Variants in PCID2 observed in about 807,000 individuals in gnomAD.
PCID2 encodes PCI domain containing 2.
Under a neutral mutation model 61.3 loss-of-function variants are expected in PCID2, and 41 were observed. The ratio of observed to expected loss-of-function variants is 0.67; its 90% CI spans 0.52 to 0.87. PCID2 has a LOEUF of 0.87. Ranked by LOEUF, PCID2 falls within the 40% of genes least tolerant of loss-of-function variation. The pLI is 0.00. For synonymous variants in PCID2, 187 were observed against 177.8 expected, an observed-to-expected ratio of 1.05 and a Z score of -0.41; for missense variants, 392 against 493.4, an observed-to-expected ratio of 0.79 and a Z score of 1.95.
chr13:113,184,350 C>CT lies in PCID2; in HGVS notation c.680dup (p.Gln228AlafsTer3). ...AAAAAAAGATTAGCAACATACCTTG[C>CT]TTAAAATCGCTGTCAAACATAGCCT... On this transcript the variant is annotated frameshift_variant, in exon 9 of 14. Transcript: ENST00000337344. LOFTEE classifies it high-confidence loss of function. 6.2e-7 allele frequency: 1 copy of CT among 1,612,870 alleles called. No individual in the cohort carries two copies. Among genetic ancestry groups the CT allele is most frequent in the South Asian group, 1.1e-5 (1 of 90,968 alleles).
At chr13:113,206,393 C>G (rs770013767) in intron 1 of PCID2, among the ~76,000 whole-genome samples, 2 of 152,162 alleles carry the variant, frequency 1.3e-5, no homozygotes, top group African/African-American at 2.4e-5. Flanking sequence ...GTACCTGCAG[C>G]AGGGCGTCCT....
chr13:113,204,453 G>A lies in PCID2; in HGVS notation c.37-3937C>T, dbSNP rs3794420. ...ACACCGGGGCCCTCCAAGGAGAGGC[G>A]GAGACCCCTGCTGGGGGCACTCACT... On this transcript the variant is annotated intron_variant, in intron 1 of 13. Transcript: ENST00000337344. Among the ~76,000 whole-genome samples, 4 of 152,286 alleles carry A rather than the reference G, an allele frequency of 2.6e-5. No individual in the cohort carries two copies. The East Asian group carries it at 5.8e-4, about 22-fold the overall frequency.
At chr13:113,166,693 AC>A in the PCID2 span, among the ~76,000 whole-genome samples, 2 of 152,140 alleles carry the variant, frequency 1.3e-5, no homozygotes, top group African/African-American at 4.8e-5. Flanking sequence ...ATCTTTTATC[AC>A]TTTTCCTGCC....
intron 1 of PCID2, among the ~76,000 whole-genome samples, chr13:113,206,498 A>T (rs1042935715): frequency 3.3e-5 from 5 of 152,228 alleles, no homozygotes; most frequent in African/African-American, 1.2e-4. Context: ...GCTGAGACTA[A>T]AGGAGGAGTC....
At chr13:113,165,881 C>T in the PCID2 span, among the ~76,000 whole-genome samples, 1 of 152,196 alleles carries the variant, frequency 6.6e-6, no homozygotes, top group African/African-American at 2.4e-5. Flanking sequence ...ACATAAACAT[C>T]CATATTTAGC....
At chr13:113,195,447 T>TA (rs1255748000) in intron 5 of PCID2, among the ~76,000 whole-genome samples, 1 of 152,078 alleles carries the variant, frequency 6.6e-6, no homozygotes, top group East Asian at 1.9e-4. Flanking sequence ...ACAGCACCAC[T>TA]AAAAAAGAAG....
intron 8 of PCID2, among the ~76,000 whole-genome samples, chr13:113,184,979 C>T (rs2037978105): frequency 6.6e-6 from 1 of 152,264 alleles, no homozygotes; most frequent in African/African-American, 2.4e-5. Context: ...GCAGCACCGG[C>T]AGGAAGGTGG....
the PCID2 span, chr13:113,171,608 A>G: frequency 1.2e-6 from 2 of 1,614,188 alleles, no homozygotes; most frequent in Non-Finnish European, 1.7e-6. This position sits in a 1 kb window ranked among gnomAD's most constrained non-coding sequence, Gnocchi z 5.1. Flanking sequence ...TAACAGAACG[A>G]GCCAAGACCC....
At chr13:113,206,359 C>T (rs1030039726) in intron 1 of PCID2, among the ~76,000 whole-genome samples, 1 of 152,132 alleles carries the variant, frequency 6.6e-6, no homozygotes, top group Non-Finnish European at 1.5e-5. Context: ...TTGGAAAGGG[C>T]AAAGTAAAGG....
At position 113,179,107 on chromosome 13, in the gene PCID2, A is replaced by G. The variant is rs1448952228; in HGVS notation, c.987-18T>C. 1 of 1,611,100 alleles carries G rather than the reference A, an allele frequency of 6.2e-7. No homozygotes were observed. The highest frequency in any genetic ancestry group is 8.5e-7 in the Non-Finnish European group (1 of 1,178,384). ...ACAAATACCTGGAAGAGGGGAGGAG[A>G]AGGGCACTGTGGTTACCGACAGGAT... On this transcript the variant is annotated intron_variant, in intron 12 of 13. Coordinates refer to ENST00000337344, the MANE Select transcript of PCID2 (RefSeq NM_001127202.4). The surrounding 1 kb of genome is among the most constrained non-coding windows in gnomAD (Gnocchi z 4.3).
At chr13:113,199,435 T>G (rs765368530) in intron 2 of PCID2, among the ~76,000 whole-genome samples, 2 of 152,238 alleles carry the variant, frequency 1.3e-5, no homozygotes, top group Non-Finnish European at 2.9e-5. Flanking sequence ...TTTTTTGTTT[T>G]GTTTGGTTTT....
At chr13:113,202,271 C>T (rs1489910353) in intron 1 of PCID2, among the ~76,000 whole-genome samples, 1 of 152,224 alleles carries the variant, frequency 6.6e-6, no homozygotes, top group Non-Finnish European at 1.5e-5. Flanking sequence ...CATTGTTCAA[C>T]TCAGGGTATG....
chr13:113,191,675 G>T (rs901748371), intron 6 of PCID2, among the ~76,000 whole-genome samples: 1 of 152,188 alleles, frequency 6.6e-6, no homozygotes, highest in Non-Finnish European at 1.5e-5. Flanking sequence ...CTTGGTTAAA[G>T]AAGAAAGAGT....
At chr13:113,202,376 T>C in intron 1 of PCID2, among the ~76,000 whole-genome samples, 1 of 152,224 alleles carries the variant, frequency 6.6e-6, no homozygotes, top group East Asian at 1.9e-4. Flanking sequence ...CATTTACATT[T>C]TGAAACAGTA....
At chr13:113,191,841 A>G (rs2038644245) in intron 6 of PCID2, among the ~76,000 whole-genome samples, 1 of 152,184 alleles carries the variant, frequency 6.6e-6, no homozygotes, top group East Asian at 1.9e-4. Flanking sequence ...AGCAATAGGT[A>G]AAATGCTGGA....
downstream of PCID2, among the ~76,000 whole-genome samples, chr13:113,177,281 G>C (rs1416552269): frequency 1.3e-5 from 2 of 152,116 alleles, no homozygotes; most frequent in Non-Finnish European, 2.9e-5. Context: ...GGAATTACAG[G>C]TATGCGCCAC....
chr13:113,192,931 T>C (rs1210665139), intron 6 of PCID2, among the ~76,000 whole-genome samples: 1 of 152,096 alleles, frequency 6.6e-6, no homozygotes, highest in East Asian at 1.9e-4. Context: ...GAGAGATCCC[T>C]TGCCCCATCT....
At chr13:113,174,478 G>A (rs973517299), downstream of PCID2, among the ~76,000 whole-genome samples, 1 of 152,122 alleles carries the variant, frequency 6.6e-6, no homozygotes, top group South Asian at 2.1e-4. Context: ...CAAGAAAAGG[G>A]AAGCTAGCTA....
chr13:113,180,014 C>A lies in PCID2; in HGVS notation c.889G>T (p.Ala297Ser). 1 of 1,614,122 alleles carries A rather than the reference C, an allele frequency of 6.2e-7. No individual in the cohort carries two copies. Among genetic ancestry groups the A allele is most frequent in the Non-Finnish European group, 8.5e-7 (1 of 1,180,024 alleles). Residue 297 changes from alanine (A) to serine (S), a missense_variant, in exon 12 of 14, where the codon GCG becomes TCG. This residue lies in a region of PCID2 where 226 missense variants were observed against 296.5 expected (regional missense o/e 0.76). Coordinates refer to ENST00000337344, the MANE Select transcript of PCID2 (RefSeq NM_001127202.4). ...AAGAAGGCCTCGTGCTTCGCCAGCGCCTCGTGCAGCAGCAGCAGGTTGCCC... is the reference window on the plus strand; with the variant it reads ...AAGAAGGCCTCGTGCTTCGCCAGCGACTCGTGCAGCAGCAGCAGGTTGCCC... ...SEGNLLLLHE[A>S]LAKHEAFFIR...
Sources: gnomAD v4.1 joint callset for allele counts (sites outside exome capture counted in the v4.1 genomes callset) on GRCh38, gnomAD v4.1.1 for gene constraint, gnomAD v4.1.1 regional missense constraint, Gnocchi (gnomAD v3.1) non-coding constraint, MANE v1.5 for transcripts, NCBI Gene and HGNC (gene_info 2026-07-23, HGNC 2026-07-21) for gene names.